The following GHR variants were observed in gnomAD, a reference collection of about 807,000 sequenced individuals.
GHR encodes the protein growth hormone receptor.
A neutral mutation model predicts 67.1 loss-of-function variants in GHR; 35 were observed. The ratio of observed to expected loss-of-function variants is 0.52; its 90% CI spans 0.40 to 0.69. The LOEUF is 0.69. Ranked by LOEUF, GHR falls within the 30% of genes least tolerant of loss-of-function variation. The probability of loss-of-function intolerance (pLI) is 0.00; values close to 1 mark genes in which losing one functional copy is unlikely to be tolerated. For missense variants in GHR, 792 were observed against 764.6 expected, an observed-to-expected ratio of 1.04 and a Z score of -0.42; for synonymous variants, 272 against 269.1, an observed-to-expected ratio of 1.01 and a Z score of -0.10.
intron 3 of GHR, among the ~76,000 whole-genome samples, chr5:42,664,480 A>G (rs1173939539): frequency 6.6e-6 from 1 of 152,240 alleles, no homozygotes; most frequent in African/African-American, 2.4e-5. Context: ...CCTGAGAAAA[A>G]CAAGCAATGG....
chr5:42,462,316 A>C (rs957838599), intron 1 of GHR, among the ~76,000 whole-genome samples: 7 of 152,192 alleles, frequency 4.6e-5, no homozygotes, highest in Admixed American at 6.5e-5. Context: ...AGATAAGTTT[A>C]ATTTTTCAGC....
At chr5:42,472,387 A>T (rs1479153770) in intron 1 of GHR, among the ~76,000 whole-genome samples, 1 of 152,228 alleles carries the variant, frequency 6.6e-6, no homozygotes, top group Non-Finnish European at 1.5e-5. Flanking sequence ...CACAAAAAAG[A>T]AGTATATATA....
intron 4 of GHR, among the ~76,000 whole-genome samples, chr5:42,693,621 G>A (rs1235909591): frequency 1.3e-5 from 2 of 152,118 alleles, no homozygotes; most frequent in Non-Finnish European, 2.9e-5. Flanking sequence ...ACAGCTATAA[G>A]AAGGAAATAG....
chr5:42,656,935 A>C (rs1755285688), intron 3 of GHR, among the ~76,000 whole-genome samples: 2 of 152,110 alleles, frequency 1.3e-5, no homozygotes, highest in South Asian at 4.1e-4. Flanking sequence ...CAGTACTCAA[A>C]ATGATTCTTT....
intron 1 of GHR, among the ~76,000 whole-genome samples, chr5:42,444,445 A>T (rs1743722040): frequency 6.6e-6 from 1 of 152,192 alleles, no homozygotes; most frequent in Admixed American, 6.5e-5. Context: ...CAACTCACAT[A>T]CCTGGGTTGG....
intron 3 of GHR, among the ~76,000 whole-genome samples, chr5:42,670,872 A>ATATAT (rs1454194507): frequency 2.2e-5 from 2 of 91,284 alleles, no homozygotes; most frequent in African/African-American, 8.0e-5. Context: ...AATTAAAAAA[A>ATATAT]AAAAAAAAAT....
At chr5:42,493,190 G>A (rs908121577) in intron 1 of GHR, among the ~76,000 whole-genome samples, 3 of 152,200 alleles carry the variant, frequency 2.0e-5, no homozygotes, top group East Asian at 1.9e-4. Flanking sequence ...ACTGCCAAGT[G>A]TGTCAGTGGA....
chr5:42,604,136 G>A (rs1580036071), intron 2 of GHR, among the ~76,000 whole-genome samples: 1 of 152,352 alleles, frequency 6.6e-6, no homozygotes, highest in African/African-American at 2.4e-5. Context: ...TGTCCTTGTG[G>A]AGTTGGGGTA....
At chr5:42,479,228 A>T (rs1323799833) in intron 1 of GHR, among the ~76,000 whole-genome samples, 1 of 152,200 alleles carries the variant, frequency 6.6e-6, no homozygotes, top group Admixed American at 6.5e-5. Context: ...CATCCCAGGG[A>T]TGAAGCCAGC....
At chr5:42,590,156 T>C (rs1661967053) in intron 2 of GHR, among the ~76,000 whole-genome samples, 1 of 152,216 alleles carries the variant, frequency 6.6e-6, no homozygotes, top group Non-Finnish European at 1.5e-5. Flanking sequence ...TGCTCTTTAC[T>C]CTCAATTATA....
intron 1 of GHR, among the ~76,000 whole-genome samples, chr5:42,563,710 A>C (rs911497693): frequency 1.3e-5 from 2 of 151,628 alleles, no homozygotes; most frequent in African/African-American, 4.8e-5. Flanking sequence ...TGGAAGGCTC[A>C]AGCAGGAGAA....
chr5:42,609,426 A>G (rs951162822), intron 2 of GHR, among the ~76,000 whole-genome samples: 1 of 152,168 alleles, frequency 6.6e-6, no homozygotes, highest in African/African-American at 2.4e-5. Context: ...GCAACCTATT[A>G]TATGAATGAT....
intron 3 of GHR, among the ~76,000 whole-genome samples, chr5:42,632,430 A>G (rs561650626): frequency 6.6e-6 from 1 of 152,324 alleles, no homozygotes; most frequent in East Asian, 1.9e-4. Context: ...CAGACCAGCT[A>G]AAATTAACCC....
chr5:42,595,504 G>T (rs1272960309), intron 2 of GHR, among the ~76,000 whole-genome samples: 1 of 151,984 alleles, frequency 6.6e-6, no homozygotes, highest in Non-Finnish European at 1.5e-5. Context: ...GATTTTCCCT[G>T]GCATTATCTT....
At chr5:42,516,387 A>G (rs1315121600) in intron 1 of GHR, among the ~76,000 whole-genome samples, 1 of 152,220 alleles carries the variant, frequency 6.6e-6, no homozygotes, top group Non-Finnish European at 1.5e-5. Flanking sequence ...AATATGGCAC[A>G]GTGATTGTGG....
chr5:42,707,792 C>T (rs868492637), intron 6 of GHR, among the ~76,000 whole-genome samples: 1 of 151,824 alleles, frequency 6.6e-6, no homozygotes, highest in Non-Finnish European at 1.5e-5. Context: ...ACATACTCCA[C>T]ACACACACAC....
chr5:42,440,046 T>A (rs1743499487), intron 1 of GHR, among the ~76,000 whole-genome samples: 1 of 152,196 alleles, frequency 6.6e-6, no homozygotes. Context: ...TGAAAATTCA[T>A]CATTACTCTC....
chr5:42,541,008 T>C (rs1448345670), intron 1 of GHR, among the ~76,000 whole-genome samples: 1 of 151,904 alleles, frequency 6.6e-6, no homozygotes, highest in Admixed American at 6.6e-5. Flanking sequence ...TTCCATATTG[T>C]TTTTTTACAA....
At chr5:42,478,214 G>T (rs528538080) in intron 1 of GHR, among the ~76,000 whole-genome samples, 1 of 152,140 alleles carries the variant, frequency 6.6e-6, no homozygotes, top group East Asian at 1.9e-4. Context: ...CATTATTTCT[G>T]AGGGCTCCGT....
Sources: allele counts gnomAD v4.1 joint callset (sites outside exome capture counted in the v4.1 genomes callset), GRCh38; gene constraint gnomAD v4.1.1; transcripts MANE v1.5; gene names NCBI Gene and HGNC (gene_info 2026-07-23, HGNC 2026-07-21).